ANK3: variants seen among roughly 807,000 people sequenced by gnomAD.
ANK3 encodes the protein ankyrin-3.
A neutral mutation model predicts 370.9 loss-of-function variants in ANK3; 57 were observed. The ratio of observed to expected loss-of-function variants is 0.15; its 90% CI spans 0.12 to 0.19. ANK3 has a LOEUF of 0.19. Ranked by LOEUF, ANK3 falls within the 10% of genes least tolerant of loss-of-function variation. The pLI is 1.00. For synonymous variants in ANK3, 1,929 were observed against 1,946.3 expected, an observed-to-expected ratio of 0.99 and a Z score of 0.23; for missense variants, 4,439 against 5,302.1, an observed-to-expected ratio of 0.84 and a Z score of 5.06.
chr10:60,480,822 A>G (rs1488715082), intron 2 of ANK3, among the ~76,000 whole-genome samples: 1 of 152,214 alleles, frequency 6.6e-6, no homozygotes, highest in African/African-American at 2.4e-5. Flanking sequence ...AAACTCTGAT[A>G]GTAATGCCCT....
intron 25 of ANK3, among the ~76,000 whole-genome samples, chr10:60,120,411 A>T (rs1216407199): frequency 6.6e-6 from 1 of 152,166 alleles, no homozygotes; most frequent in Non-Finnish European, 1.5e-5. Flanking sequence ...CTGTGCAAAA[A>T]TTTCTTGAGT....
chr10:60,368,358 G>A (rs924363429), intron 1 of ANK3, among the ~76,000 whole-genome samples: 6 of 152,110 alleles, frequency 3.9e-5, no homozygotes, highest in Non-Finnish European at 8.8e-5. Context: ...GTACGTATGT[G>A]GGGAGTATTT....
intron 2 of ANK3, among the ~76,000 whole-genome samples, chr10:60,417,908 G>A (rs906913622): frequency 6.6e-6 from 1 of 151,926 alleles, no homozygotes; most frequent in Non-Finnish European, 1.5e-5. Flanking sequence ...ATACTTGAAA[G>A]GTTTTTTAAA....
rs535105964 is a variant in ANK3, at chr10:60,056,060, C to T, written c.12687-24G>A. On this transcript the variant is annotated intron_variant, in intron 41 of 43. Transcript: ENST00000280772. ...GGCTGCAACAGAAAATTTGCAAATT[C>T]ACAATGGCAAACTATGACTGAATAT... 2.2e-5 allele frequency: 34 copies of T among 1,578,614 alleles called. No homozygotes were observed. In the African/African-American group the frequency reaches 3.7e-4, roughly 17 times the overall value.
At chr10:60,656,390 C>T (rs949664442) in intron 1 of ANK3, among the ~76,000 whole-genome samples, 6 of 151,930 alleles carry the variant, frequency 3.9e-5, no homozygotes, top group African/African-American at 1.5e-4. Flanking sequence ...TCTGTGTCCT[C>T]TCTATTTTTT....
At chr10:60,062,996 G>C (rs17208182) in intron 40 of ANK3, 115 bp downstream of exon 40, 119,346 of 1,095,516 alleles carry the variant, frequency 0.11, 7,350 homozygotes, top group Non-Finnish European at 0.12. Flanking sequence ...CAGAGAAAAT[G>C]AGAAACTAAG....
intron 2 of ANK3, among the ~76,000 whole-genome samples, chr10:60,433,154 C>G (rs1055403560): frequency 1.5e-5 from 2 of 129,876 alleles, no homozygotes; most frequent in African/African-American, 5.4e-5. Flanking sequence ...AAGAACAACA[C>G]TGAAAAAGAG....
chr10:60,055,192 C>T (rs1363505357), intron 42 of ANK3, among the ~76,000 whole-genome samples: 1 of 152,136 alleles, frequency 6.6e-6, no homozygotes, highest in Non-Finnish European at 1.5e-5. Context: ...CGCTTTCAGA[C>T]AACAGACCAT....
At chr10:60,391,207 A>C (rs2063076038), upstream of ANK3, among the ~76,000 whole-genome samples, 1 of 152,238 alleles carries the variant, frequency 6.6e-6, no homozygotes, top group African/African-American at 2.4e-5. Context: ...ACGGTGAACC[A>C]CAGGGAAACC....
chr10:60,300,641 C>T, intron 1 of ANK3: 1 of 780,632 alleles, frequency 1.3e-6, no homozygotes. Context: ...TGTGGAATAC[C>T]GAGAATAGCA....
At chr10:60,481,955 C>A (rs542046473) in intron 2 of ANK3, among the ~76,000 whole-genome samples, 8 of 152,302 alleles carry the variant, frequency 5.3e-5, no homozygotes, top group African/African-American at 1.7e-4. Context: ...TTAAAACAGG[C>A]ATGTCCAGAA....
intron 1 of ANK3, among the ~76,000 whole-genome samples, chr10:60,722,025 C>T (rs775643551): frequency 2.0e-5 from 3 of 152,106 alleles, no homozygotes; most frequent in Admixed American, 6.5e-5. Flanking sequence ...ATTTTTCAAA[C>T]ATCTGAATAA....
chr10:60,378,810 G>T (rs2061157010), intron 1 of ANK3, among the ~76,000 whole-genome samples: 1 of 151,640 alleles, frequency 6.6e-6, no homozygotes, highest in African/African-American at 2.4e-5. Flanking sequence ...TTATGACTAA[G>T]TTCTCAAAAG....
chr10:60,333,015 T>C (rs1229050515), intron 1 of ANK3, among the ~76,000 whole-genome samples: 1 of 152,206 alleles, frequency 6.6e-6, no homozygotes, highest in Non-Finnish European at 1.5e-5. Context: ...TTTTCAGGCA[T>C]TGAAGTATAA....
chr10:60,064,676 C>CAAT (rs1204379533), intron 38 of ANK3, among the ~76,000 whole-genome samples: 8 of 64,520 alleles, frequency 1.2e-4, no homozygotes, highest in Admixed American at 1.1e-3. Flanking sequence ...CACACAGCAA[C>CAAT]AACAACAACA....
intron 2 of ANK3, among the ~76,000 whole-genome samples, chr10:60,422,803 T>C (rs2063804867): frequency 6.6e-6 from 1 of 152,064 alleles, no homozygotes; most frequent in Non-Finnish European, 1.5e-5. Flanking sequence ...GTCAAAATAA[T>C]CATACTAATG....
chr10:60,242,705 AG>A (rs996394564), intron 7 of ANK3, among the ~76,000 whole-genome samples: 4 of 152,174 alleles, frequency 2.6e-5, no homozygotes, highest in African/African-American at 9.7e-5. Context: ...CCTCCATCAC[AG>A]GGGTGTCAAG....
chr10:60,135,072 C>G (rs1376487687), intron 24 of ANK3, among the ~76,000 whole-genome samples: 1 of 152,186 alleles, frequency 6.6e-6, no homozygotes, highest in Non-Finnish European at 1.5e-5. Flanking sequence ...TGCAGGTACC[C>G]TGATGCCCTG....
At chr10:60,279,707 C>G (rs1478651845) in intron 1 of ANK3, 68 bp from the exon 2 acceptor site, 1 of 1,170,664 alleles carries the variant, frequency 8.5e-7, no homozygotes, top group Non-Finnish European at 1.2e-6. Flanking sequence ...AACTATCCAG[C>G]TTAAGGTCCA....
Sources: gnomAD v4.1 joint callset for allele counts (sites outside exome capture counted in the v4.1 genomes callset) on GRCh38, gnomAD v4.1.1 for gene constraint, MANE v1.5 for transcripts, NCBI Gene and HGNC (gene_info 2026-07-23, HGNC 2026-07-21) for gene names.